The following RBFOX1 variants were observed in gnomAD, a reference collection of about 807,000 sequenced individuals.
The protein encoded by RBFOX1 is RNA binding fox-1 homolog 1, also known as RNA binding protein fox-1 homolog 1.
RBFOX1 carries 8 observed loss-of-function variants against 57.7 expected under a neutral mutation model. The ratio of observed to expected loss-of-function variants is 0.14; its 90% CI spans 0.08 to 0.25. The LOEUF is 0.25. Ranked by LOEUF, RBFOX1 falls within the 10% of genes least tolerant of loss-of-function variation. The probability of loss-of-function intolerance (pLI) is 1.00; values close to 1 mark genes in which losing one functional copy is unlikely to be tolerated. For missense variants in RBFOX1, 611 were observed against 548.5 expected (o/e 1.11, Z -1.14); for synonymous variants, 326 against 222.4 (o/e 1.47, Z -4.15).
intron 2 of RBFOX1, among the ~76,000 whole-genome samples, chr16:6,608,982 C>T (rs1194124530): frequency 2.0e-5 from 3 of 152,274 alleles, no homozygotes; most frequent in Non-Finnish European, 2.9e-5. Flanking sequence ...CAGCCATGGC[C>T]AGGCAAGCCT....
intron 4 of RBFOX1, among the ~76,000 whole-genome samples, chr16:7,484,547 T>C (rs2064878252): frequency 6.6e-6 from 1 of 152,198 alleles, no homozygotes; most frequent in Non-Finnish European, 1.5e-5. Flanking sequence ...ACTGCAACTT[T>C]TGCCTCCTGA....
intron 3 of RBFOX1, among the ~76,000 whole-genome samples, chr16:6,961,132 C>A (rs192527825): frequency 6.7e-6 from 1 of 148,718 alleles, no homozygotes; most frequent in Admixed American, 6.8e-5. Flanking sequence ...AATAGAGACT[C>A]CATCACACAC....
intron 4 of RBFOX1, among the ~76,000 whole-genome samples, chr16:7,069,767 A>G (rs1461294279): frequency 6.6e-6 from 1 of 152,140 alleles, no homozygotes; most frequent in Non-Finnish European, 1.5e-5. Context: ...ATTAAGCCCC[A>G]GTTGCCCATA....
chr16:7,120,268 C>A (rs527763253), intron 4 of RBFOX1, among the ~76,000 whole-genome samples: 1 of 147,198 alleles, frequency 6.8e-6, no homozygotes, highest in Non-Finnish European at 1.5e-5. Flanking sequence ...AAGTGCATAT[C>A]ATAAGAGACT....
chr16:6,671,138 T>C (rs2098762263), intron 3 of RBFOX1, among the ~76,000 whole-genome samples: 1 of 152,242 alleles, frequency 6.6e-6, no homozygotes. Context: ...TATTTCTTAT[T>C]ATTCCAGTCG....
chr16:5,449,814 C>G (rs1195751626), intron 1 of RBFOX1, among the ~76,000 whole-genome samples: 2 of 152,020 alleles, frequency 1.3e-5, no homozygotes, highest in Non-Finnish European at 2.9e-5. Flanking sequence ...CACTATGTTG[C>G]CCAGTCTGGT....
chr16:5,565,681 C>T (rs957303453), intron 2 of RBFOX1, among the ~76,000 whole-genome samples: 6 of 149,310 alleles, frequency 4.0e-5, no homozygotes, highest in Non-Finnish European at 5.9e-5. Context: ...ATTTGCAAGT[C>T]GTTTTCCCTC....
intron 4 of RBFOX1, among the ~76,000 whole-genome samples, chr16:7,363,389 T>C (rs1209809482): frequency 2.0e-5 from 3 of 152,160 alleles, no homozygotes; most frequent in Non-Finnish European, 4.4e-5. Flanking sequence ...GCCAATTGCA[T>C]TACCTTGCCA....
At chr16:7,512,397 G>C (rs975817284) in intron 4 of RBFOX1, among the ~76,000 whole-genome samples, 1 of 152,202 alleles carries the variant, frequency 6.6e-6, no homozygotes, top group Non-Finnish European at 1.5e-5. Flanking sequence ...CCATTTGAAG[G>C]TGAAAAATAA....
intron 4 of RBFOX1, among the ~76,000 whole-genome samples, chr16:7,294,065 A>G (rs566734533): frequency 1.3e-5 from 2 of 152,298 alleles, no homozygotes; most frequent in East Asian, 1.9e-4. Flanking sequence ...GAAAGAGGAA[A>G]AAGAGAATCT....
At chr16:5,706,181 G>A (rs1317461058) in intron 3 of RBFOX1, among the ~76,000 whole-genome samples, 1 of 152,220 alleles carries the variant, frequency 6.6e-6, no homozygotes, top group African/African-American at 2.4e-5. Flanking sequence ...AAAGTGCTGG[G>A]ATTACAGGCG....
chr16:5,920,203 G>A (rs375108895), intron 4 of RBFOX1, among the ~76,000 whole-genome samples: 61 of 152,276 alleles, frequency 4.0e-4, no homozygotes, highest in African/African-American at 1.4e-3. Flanking sequence ...CAAAGTGCTG[G>A]GTTTACAGGC....
intron 2 of RBFOX1, among the ~76,000 whole-genome samples, chr16:5,517,347 C>T (rs1235312741): frequency 2.0e-5 from 3 of 152,202 alleles, no homozygotes; most frequent in African/African-American, 7.2e-5. Flanking sequence ...ACTTTATTGT[C>T]TTCTCACTAT....
chr16:7,351,246 C>G (rs568775449), intron 4 of RBFOX1, among the ~76,000 whole-genome samples: 1 of 152,232 alleles, frequency 6.6e-6, no homozygotes, highest in Non-Finnish European at 1.5e-5. Flanking sequence ...TTTTACCTCT[C>G]TGAGCCTCAG....
chr16:7,110,228 C>G (rs2064445596), intron 4 of RBFOX1, among the ~76,000 whole-genome samples: 1 of 151,426 alleles, frequency 6.6e-6, no homozygotes, highest in South Asian at 2.1e-4. Context: ...GGTGTGGCAC[C>G]ACCCTCGTGT....
chr16:6,349,308 G>T (rs1324194484), intron 2 of RBFOX1, among the ~76,000 whole-genome samples: 1 of 152,140 alleles, frequency 6.6e-6, no homozygotes, highest in Non-Finnish European at 1.5e-5. Flanking sequence ...TAAGGAGGCT[G>T]ACATTTTACC....
intron 3 of RBFOX1, among the ~76,000 whole-genome samples, chr16:5,845,877 T>A (rs1241898905): frequency 6.6e-6 from 1 of 152,090 alleles, no homozygotes. Context: ...GAGTTAAGAA[T>A]TTTGTGAGAA....
chr16:5,676,526 A>T (rs1253750835), intron 3 of RBFOX1, among the ~76,000 whole-genome samples: 1 of 152,168 alleles, frequency 6.6e-6, no homozygotes, highest in African/African-American at 2.4e-5. Context: ...TGCAGATAGC[A>T]ATGAGTTGTT....
intron 10 of RBFOX1, among the ~76,000 whole-genome samples, chr16:7,608,899 A>C (rs1325854130): frequency 6.6e-6 from 1 of 152,120 alleles, no homozygotes; most frequent in East Asian, 1.9e-4. Flanking sequence ...TGAGACAAAG[A>C]GATTCTTTCC....
Sources: gnomAD v4.1 joint callset for allele counts (sites outside exome capture counted in the v4.1 genomes callset) on GRCh38, gnomAD v4.1.1 for gene constraint, MANE v1.5 for transcripts, NCBI Gene and HGNC (gene_info 2026-07-23, HGNC 2026-07-21) for gene names.